CLIC5: variants seen among roughly 807,000 people sequenced by gnomAD.
The protein encoded by CLIC5 is CLIC family member 5.
In CLIC5, 20 loss-of-function variants were observed where a neutral mutation model predicts 24.7. The observed-to-expected ratio is 0.81, with a 90% CI of 0.57 to 1.18. The LOEUF (loss-of-function observed/expected upper bound fraction) is 1.18. Ranked by LOEUF, CLIC5 falls within the 50% of genes most tolerant of loss-of-function variation. CLIC5 has a pLI of 0.00. For synonymous variants in CLIC5, 159 were observed against 135.6 expected (o/e 1.17, Z -1.20); for missense variants, 341 against 326.1 (o/e 1.05, Z -0.35).
At chr6:45,892,082 A>G (rs537015805) in intron 6 of CLIC5, 1 of 152,266 alleles carries the variant, frequency 6.6e-6, no homozygotes, top group East Asian at 1.9e-4. Flanking sequence ...ATGTTTGATC[A>G]TATCACATCT....
At chr6:46,005,887 A>C (rs1254991832) in intron 1 of CLIC5, among the ~76,000 whole-genome samples, 1 of 151,222 alleles carries the variant, frequency 6.6e-6, no homozygotes, top group Non-Finnish European at 1.5e-5. Flanking sequence ...AGCCTCCAGA[A>C]CTGTGAGAAA....
At chr6:45,945,562 C>G (rs577925223) in intron 3 of CLIC5, among the ~76,000 whole-genome samples, 5 of 152,154 alleles carry the variant, frequency 3.3e-5, no homozygotes, top group Non-Finnish European at 7.4e-5. Flanking sequence ...GAGGGCCACC[C>G]TACCCTCTCA....
the CLIC5 span, among the ~76,000 whole-genome samples, chr6:46,108,486 T>G: frequency 6.6e-6 from 1 of 151,718 alleles, no homozygotes; most frequent in East Asian, 2.0e-4. Context: ...AACCTCCACC[T>G]CCTGGGTTCA....
At chr6:46,067,048 A>T (rs1314158041) in intron 1 of CLIC5, among the ~76,000 whole-genome samples, 2 of 152,138 alleles carry the variant, frequency 1.3e-5, no homozygotes, top group African/African-American at 4.8e-5. Flanking sequence ...TCAAAGGTGA[A>T]CTTGATCATG....
chr6:45,941,529 T>A lies in CLIC5; in HGVS notation c.406+18A>T. ...ATAGACCACTGCCAAGGGTTCTTGGTGGAAGGGAGTCACTCACCAGCATTG... is the reference window on the plus strand; with the variant it reads ...ATAGACCACTGCCAAGGGTTCTTGGAGGAAGGGAGTCACTCACCAGCATTG... On this transcript the variant is annotated intron_variant, in intron 4 of 5. Coordinates refer to ENST00000339561, the MANE Select transcript of CLIC5 (RefSeq NM_016929.5). 1 of 1,582,766 alleles carries A rather than the reference T, an allele frequency of 6.3e-7. No homozygotes were observed. Among genetic ancestry groups the A allele is most frequent in the Non-Finnish European group, 8.7e-7 (1 of 1,151,674 alleles).
At chr6:45,922,149 C>A (rs868679977) in intron 4 of CLIC5, among the ~76,000 whole-genome samples, 4 of 152,136 alleles carry the variant, frequency 2.6e-5, no homozygotes, top group African/African-American at 9.7e-5. Context: ...TTTGTTTGTT[C>A]TAGAAAGAAT....
chr6:46,129,453 T>C, the CLIC5 span: 1 of 152,220 alleles, frequency 6.6e-6, no homozygotes, highest in African/African-American at 2.4e-5. Flanking sequence ...TCATTACTGG[T>C]TCCCTGCCGC....
At chr6:45,979,247 C>T in intron 1 of CLIC5, among the ~76,000 whole-genome samples, 1 of 152,190 alleles carries the variant, frequency 6.6e-6, no homozygotes, top group East Asian at 1.9e-4. Context: ...TATGTGCTAA[C>T]TGAAGACCAA....
chr6:46,073,332 A>G (rs1166329813), intron 1 of CLIC5, among the ~76,000 whole-genome samples: 2 of 152,208 alleles, frequency 1.3e-5, no homozygotes, highest in Non-Finnish European at 2.9e-5. Flanking sequence ...CTCACAAAAT[A>G]TAAAGTAGCT....
At chr6:45,896,767 C>T (rs1485481972), downstream of CLIC5, among the ~76,000 whole-genome samples, 1 of 152,156 alleles carries the variant, frequency 6.6e-6, no homozygotes, top group Non-Finnish European at 1.5e-5. Context: ...TTCACAGAAC[C>T]GTTAAGGAAA....
At chr6:46,119,198 G>C in the CLIC5 span, among the ~76,000 whole-genome samples, 1 of 152,208 alleles carries the variant, frequency 6.6e-6, no homozygotes, top group African/African-American at 2.4e-5. Flanking sequence ...TTGTGGTAGA[G>C]CAGTCATAGG....
chr6:46,015,468 A>G lies in CLIC5; in HGVS notation c.63+12T>C. Reference sequence around the variant, plus strand: ...CGCGGCAGGTGCGGCGGGAGACTGGACCCCGACCTACCTTCACAAAGAGCT... The same window carrying G: ...CGCGGCAGGTGCGGCGGGAGACTGGGCCCCGACCTACCTTCACAAAGAGCT... On this transcript the variant is annotated intron_variant, in intron 1 of 5. Transcript: ENST00000339561. 6.6e-7 allele frequency: 1 copy of G among 1,516,730 alleles called. No individual in the cohort carries two copies. The highest frequency in any genetic ancestry group is 2.6e-5 in the East Asian group (1 of 38,450). The allele number at this position is 1,516,730 out of a possible 1,614,324, so 94.0% of individuals were successfully genotyped here. A position where few individuals can be genotyped will look rare whatever the true frequency, so the allele number is the denominator to read the frequency against.
chr6:45,985,459 A>G (rs538345050), intron 1 of CLIC5, among the ~76,000 whole-genome samples: 3 of 152,248 alleles, frequency 2.0e-5, no homozygotes, highest in African/African-American at 7.2e-5. Flanking sequence ...CTCATCCCCA[A>G]AACACTGTGT....
upstream of CLIC5, among the ~76,000 whole-genome samples, chr6:46,016,654 A>G (rs999931659): frequency 7.2e-5 from 11 of 152,332 alleles, no homozygotes; most frequent in Non-Finnish European, 7.4e-5. Flanking sequence ...GTATGCCTCA[A>G]TGAATTTTCA....
At chr6:46,033,591 C>T (rs1412157727) in intron 1 of CLIC5, among the ~76,000 whole-genome samples, 1 of 152,154 alleles carries the variant, frequency 6.6e-6, no homozygotes, top group East Asian at 1.9e-4. Context: ...ACCTAATGGG[C>T]CCACACATGG....
chr6:46,060,016 T>C (rs1466770814), intron 1 of CLIC5, among the ~76,000 whole-genome samples: 1 of 152,160 alleles, frequency 6.6e-6, no homozygotes, highest in Admixed American at 6.6e-5. Flanking sequence ...GGGGTCTAGT[T>C]TCATTCTTCT....
chr6:46,080,124 A>G, exon 1 of CLIC5: 4 of 1,551,678 alleles, frequency 2.6e-6, no homozygotes, highest in Non-Finnish European at 3.5e-6. Flanking sequence ...TTCTGGCCTT[A>G]AGTACTCATG....
the CLIC5 span, among the ~76,000 whole-genome samples, chr6:46,100,107 A>G: frequency 6.6e-6 from 1 of 152,166 alleles, no homozygotes; most frequent in Non-Finnish European, 1.5e-5. Flanking sequence ...GATGCCAGGC[A>G]GAACTAGGTC....
At chr6:45,896,092 T>G (rs1762390813), downstream of CLIC5, among the ~76,000 whole-genome samples, 2 of 152,338 alleles carry the variant, frequency 1.3e-5, no homozygotes, top group Admixed American at 1.3e-4. Flanking sequence ...CAGGGTCATG[T>G]TTATTGCACG....
Sources: allele counts gnomAD v4.1 joint callset (sites outside exome capture counted in the v4.1 genomes callset), GRCh38; gene constraint gnomAD v4.1.1; transcripts MANE v1.5; gene names NCBI Gene and HGNC (gene_info 2026-07-23, HGNC 2026-07-21).